ATP9A: variants seen among roughly 807,000 people sequenced by gnomAD.
The protein encoded by ATP9A is probable phospholipid-transporting ATPase IIA.
ATP9A carries 52 observed loss-of-function variants against 144.1 expected under a neutral mutation model. The observed-to-expected ratio is 0.36, with a 90% confidence interval of 0.29 to 0.45. ATP9A has a LOEUF of 0.45. ATP9A is among the 20% of genes least tolerant of loss of function. ATP9A has a pLI of 1.00. For missense variants in ATP9A, 947 were observed against 1,392.7 expected (o/e 0.68, Z 5.09); for synonymous variants, 582 against 557.4 (o/e 1.04, Z -0.62).
intron 1 of ATP9A, among the ~76,000 whole-genome samples, chr20:51,758,507 T>C (rs2077865590): frequency 1.3e-5 from 2 of 152,206 alleles, no homozygotes; most frequent in East Asian, 1.9e-4. Context: ...GCCGGTTCCA[T>C]GCCTTGCCTC....
intron 13 of ATP9A, among the ~76,000 whole-genome samples, chr20:51,660,825 A>C (rs2077407527): frequency 6.6e-6 from 1 of 152,202 alleles, no homozygotes; most frequent in Non-Finnish European, 1.5e-5. Context: ...TCCTCCCCAT[A>C]GGCCCTTTAA....
chr20:51,711,997 A>G (rs2077641018), intron 4 of ATP9A, among the ~76,000 whole-genome samples: 1 of 151,328 alleles, frequency 6.6e-6, no homozygotes, highest in African/African-American at 2.4e-5. Context: ...CTGGGATTAC[A>G]GATGAATGCA....
At chr20:51,728,651 TTC>T (rs2077726411) in intron 2 of ATP9A, among the ~76,000 whole-genome samples, 1 of 148,712 alleles carries the variant, frequency 6.7e-6, no homozygotes, top group South Asian at 2.1e-4. Flanking sequence ...AAATTCAAAT[TTC>T]TGTTTGGGAG....
At chr20:51,658,164 T>C (rs2077394942) in intron 13 of ATP9A, among the ~76,000 whole-genome samples, 1 of 152,126 alleles carries the variant, frequency 6.6e-6, no homozygotes, top group African/African-American at 2.4e-5. Context: ...CTGTTTCCTG[T>C]CAACGAGAGG....
intron 26 of ATP9A, among the ~76,000 whole-genome samples, chr20:51,606,296 T>C (rs1479354112): frequency 1.3e-5 from 2 of 152,336 alleles, no homozygotes; most frequent in East Asian, 3.9e-4. Flanking sequence ...CACATGTTTA[T>C]TTGTAAGTTA....
In ATP9A at chr20:51,752,218, C is replaced by T. The variant is rs370048506; in HGVS notation, c.68+16084G>A. Among the ~76,000 whole-genome samples the T allele has an allele frequency of 7.2e-5, 11 of 152,264 alleles. No homozygotes were observed. In the East Asian group the frequency reaches 1.3e-3, roughly 19 times the overall value. On this transcript the variant is annotated intron_variant, in intron 1 of 27. Transcript: ENST00000338821. ...TGGGACCCTGGACTAGTTAATTAACCCTGCTAAGCCTCCGTTTCCTGGAAA... is the reference window on the plus strand; with the variant it reads ...TGGGACCCTGGACTAGTTAATTAACTCTGCTAAGCCTCCGTTTCCTGGAAA...
In ATP9A at chr20:51,638,069, TTTTATATATATATA is replaced by T. The variant is rs1452631390; in HGVS notation, c.1668+1260_1668+1273del. ...TCCATGGCTAAGTAGCATTTCATCA[TTTTATATATATATA>T]TATATATATATATATATATATATAT... On this transcript the variant is annotated intron_variant, in intron 15 of 27. Transcript: ENST00000338821. 4.9e-3 allele frequency among the ~76,000 whole-genome samples: 357 copies of T among 73,132 alleles called. 32 individuals carry two copies. Among genetic ancestry groups the T allele is most frequent in the East Asian group, 0.04 (106 of 2,632 alleles). 48.0% of individuals were successfully genotyped at this position (73,132 alleles called of 152,430 possible).
rs778440862 is a variant in ATP9A, at chr20:51,642,726, C to CAAAAAAAAAAAAAAAA, written c.1507-3238_1507-3223dup. Among the ~76,000 whole-genome samples, 45 of 31,144 alleles carry CAAAAAAAAAAAAAAAA rather than the reference C, an allele frequency of 1.4e-3. 2 individuals are homozygous for CAAAAAAAAAAAAAAAA. The highest frequency in any genetic ancestry group is 8.3e-3 in the East Asian group (6 of 726). 20.4% of individuals were successfully genotyped at this position (31,144 alleles called of 152,430 possible). A position where few individuals can be genotyped will look rare whatever the true frequency, so the allele number is the denominator to read the frequency against. ...GGGTGACTGAGTGAGACTCTGTCTC[C>CAAAAAAAAAAAAAAAA]AAAAAAAAAAAAAAAAAAAAAAAAA... On this transcript the variant is annotated intron_variant, in intron 14 of 27. Coordinates refer to ENST00000338821, the MANE Select transcript of ATP9A (RefSeq NM_006045.3).
In ATP9A at chr20:51,671,132, A is replaced by C; in HGVS notation, c.1163T>G (p.Leu388Ter). ...IPEQLGRISYLLTDKTGTLTQ... is the reference protein window; with the variant it reads ...IPEQLGRISY Reference sequence around the variant, plus strand: ...CAGCTCACCTGTCTTGTCTGTGAGTAAGTACGAAATCCTGCCCAGCTGCTC... The same window carrying C: ...CAGCTCACCTGTCTTGTCTGTGAGTCAGTACGAAATCCTGCCCAGCTGCTC... Residue 388 changes from leucine (L) to a stop codon, truncating the protein, a stop_gained, in exon 12 of 28, where the codon TTA becomes TGA. Coordinates refer to ENST00000338821, the MANE Select transcript of ATP9A (RefSeq NM_006045.3). LOFTEE classifies it high-confidence loss of function. 1 of 1,613,880 alleles carries C rather than the reference A, an allele frequency of 6.2e-7. No homozygotes were observed. Among genetic ancestry groups the C allele is most frequent in the Non-Finnish European group, 8.5e-7 (1 of 1,179,822 alleles).
At chr20:51,751,745 G>A (rs1568847577) in intron 1 of ATP9A, among the ~76,000 whole-genome samples, 1 of 152,086 alleles carries the variant, frequency 6.6e-6, no homozygotes. Flanking sequence ...CCACCACCAC[G>A]CCCGGCTAAT....
intron 1 of ATP9A, among the ~76,000 whole-genome samples, chr20:51,755,573 T>A (rs1467261738): frequency 2.6e-5 from 4 of 152,182 alleles, no homozygotes; most frequent in Non-Finnish European, 4.4e-5. Context: ...ATTAGTACAA[T>A]TGCTTTGGAA....
intron 14 of ATP9A, among the ~76,000 whole-genome samples, chr20:51,643,829 T>C (rs112593968): frequency 2.3e-4 from 35 of 152,290 alleles, no homozygotes; most frequent in African/African-American, 3.4e-4. Flanking sequence ...AAATCAGTAA[T>C]GATTCGCATA....
chr20:51,729,019 T>G (rs897601761), intron 2 of ATP9A, among the ~76,000 whole-genome samples: 1 of 152,168 alleles, frequency 6.6e-6, no homozygotes, highest in Admixed American at 6.6e-5. Context: ...AATGTGGAAG[T>G]GTTATGCCAC....
chr20:51,742,561 C>T (rs927396410), intron 1 of ATP9A, among the ~76,000 whole-genome samples: 1 of 152,004 alleles, frequency 6.6e-6, no homozygotes, highest in Non-Finnish European at 1.5e-5. Flanking sequence ...GTCGCCCAGG[C>T]TGGAGTGCAG....
rs35997419 is a variant in ATP9A, at chr20:51,600,807, A to AACACACACAC, written c.*394_*403dup. 718 of 120,610 alleles carry AACACACACAC rather than the reference A, an allele frequency of 6.0e-3. 4 individuals are homozygous for AACACACACAC. Among genetic ancestry groups the AACACACACAC allele is most frequent in the Middle Eastern group, 0.013 (3 of 230 alleles). 7.5% of individuals were successfully genotyped at this position (120,610 alleles called of 1,614,324 possible). ...TACATACACATTAGGACTCTTTAAAAACACACACACACACACACACACACA... is the reference window on the plus strand; with the variant it reads ...TACATACACATTAGGACTCTTTAAAAACACACACACACACACACACACACACACACACACA... On this transcript the variant is annotated 3_prime_UTR_variant, in exon 28 of 28. Coordinates refer to ENST00000338821, the MANE Select transcript of ATP9A (RefSeq NM_006045.3).
chr20:51,739,118 C>A (rs994931260), intron 1 of ATP9A, among the ~76,000 whole-genome samples: 14 of 152,112 alleles, frequency 9.2e-5, no homozygotes, highest in African/African-American at 3.4e-4. Flanking sequence ...CTATGACTCA[C>A]CAGCCCCACC....
chr20:51,604,733 C>T, intron 27 of ATP9A, 84 bp downstream of exon 27: 1 of 1,273,052 alleles, frequency 7.9e-7, no homozygotes, highest in Non-Finnish European at 1.0e-6. Flanking sequence ...CGCTGGGAAC[C>T]CCCCTTCCTT....
chr20:51,719,301 G>A (rs1019595494), intron 3 of ATP9A, among the ~76,000 whole-genome samples: 5 of 152,096 alleles, frequency 3.3e-5, no homozygotes, highest in African/African-American at 1.2e-4. Flanking sequence ...TACAGACCAC[G>A]AGGAAAAGGG....
At chr20:51,753,854 G>A (rs941025973) in intron 1 of ATP9A, among the ~76,000 whole-genome samples, 1 of 149,840 alleles carries the variant, frequency 6.7e-6, no homozygotes, top group Admixed American at 6.7e-5. Context: ...TTTTTTTCCA[G>A]TAGAGACAGG....
Sources: allele counts gnomAD v4.1 joint callset (sites outside exome capture counted in the v4.1 genomes callset), GRCh38; gene constraint gnomAD v4.1.1; transcripts MANE v1.5; gene names NCBI Gene and HGNC (gene_info 2026-07-23, HGNC 2026-07-21).